Variants in TBC1D5 observed in about 807,000 individuals in gnomAD.
The protein encoded by TBC1D5 is TBC1 domain family, member 5.
In TBC1D5, 75 loss-of-function variants were observed where a neutral mutation model predicts 100.3. The ratio of observed to expected loss-of-function variants is 0.75; its 90% CI spans 0.62 to 0.91. The LOEUF (loss-of-function observed/expected upper bound fraction) is 0.91, where lower values mean the gene tolerates loss of function less well. Among genes scored for constraint, TBC1D5 ranks in the 40% least tolerant of loss-of-function variants. The pLI, the probability that TBC1D5 is intolerant of heterozygous loss-of-function variation, is 0.00. For synonymous variants in TBC1D5, 323 were observed against 325.6 expected, an observed-to-expected ratio of 0.99 and a Z score of 0.09; for missense variants, 910 against 942.4, an observed-to-expected ratio of 0.97 and a Z score of 0.45.
chr3:17,307,731 G>A (rs2083538937), intron 14 of TBC1D5, among the ~76,000 whole-genome samples: 1 of 152,108 alleles, frequency 6.6e-6, no homozygotes, highest in Non-Finnish European at 1.5e-5. Flanking sequence ...ATTAAAGCAG[G>A]AGTAAAGTCT....
intron 15 of TBC1D5, among the ~76,000 whole-genome samples, chr3:17,260,228 C>T (rs192358605): frequency 6.6e-6 from 1 of 152,256 alleles, no homozygotes; most frequent in East Asian, 1.9e-4. Context: ...CCTGGAAATA[C>T]ATTTTGTTTC....
At chr3:17,270,888 T>G (rs1013557764) in intron 15 of TBC1D5, among the ~76,000 whole-genome samples, 1 of 152,188 alleles carries the variant, frequency 6.6e-6, no homozygotes, top group Non-Finnish European at 1.5e-5. Context: ...TCCCCATTGC[T>G]TATTTTTGTC....
chr3:17,221,899 A>G (rs1305358178), intron 17 of TBC1D5, among the ~76,000 whole-genome samples: 1 of 152,232 alleles, frequency 6.6e-6, no homozygotes, highest in East Asian at 1.9e-4. Context: ...AAACTTCTCT[A>G]CATTTTCAAC....
intron 2 of TBC1D5, among the ~76,000 whole-genome samples, chr3:17,608,341 G>A (rs2061466907): frequency 2.6e-5 from 4 of 152,034 alleles, no homozygotes; most frequent in Admixed American, 2.6e-4. Context: ...AGATAGCACA[G>A]TAAGATCAAA....
At chr3:17,721,134 C>T (rs867734037) in intron 1 of TBC1D5, among the ~76,000 whole-genome samples, 2 of 152,024 alleles carry the variant, frequency 1.3e-5, no homozygotes, top group African/African-American at 4.8e-5. Flanking sequence ...AGAAACCACA[C>T]CCCGCCGAGA....
At chr3:17,699,601 CTCA>C (rs2072816322) in intron 1 of TBC1D5, among the ~76,000 whole-genome samples, 1 of 144,764 alleles carries the variant, frequency 6.9e-6, no homozygotes, top group Non-Finnish European at 1.5e-5. Context: ...CTCTATGAGT[CTCA>C]TCATCTGATA....
At chr3:17,740,236 G>C (rs2077307032) in exon 1 of TBC1D5, 1 of 152,002 alleles carries the variant, frequency 6.6e-6, no homozygotes, top group East Asian at 1.9e-4. Flanking sequence ...GCTGAGGCAG[G>C]AGAAGTGTTT....
At chr3:17,204,145 G>A (rs992587315) in intron 18 of TBC1D5, among the ~76,000 whole-genome samples, 3 of 152,194 alleles carry the variant, frequency 2.0e-5, no homozygotes, top group Admixed American at 6.5e-5. Flanking sequence ...AGATGCCAGG[G>A]ACAAGAGGTT....
intron 2 of TBC1D5, among the ~76,000 whole-genome samples, chr3:17,610,556 G>A (rs117816677): frequency 0.017 from 2,534 of 152,190 alleles, 51 homozygotes; most frequent in South Asian, 0.048. Flanking sequence ...AGCACTCAGC[G>A]ACCACCCAAA....
At chr3:17,312,912 T>C (rs2084216762) in intron 13 of TBC1D5, among the ~76,000 whole-genome samples, 1 of 152,186 alleles carries the variant, frequency 6.6e-6, no homozygotes, top group African/African-American at 2.4e-5. Flanking sequence ...GACATGCTTT[T>C]GATGCTTGAA....
chr3:17,264,266 C>G (rs1559513521), intron 15 of TBC1D5, among the ~76,000 whole-genome samples: 1 of 151,962 alleles, frequency 6.6e-6, no homozygotes, highest in African/African-American at 2.4e-5. Flanking sequence ...TCTACTGAGT[C>G]TAGAGAAATC....
chr3:17,635,080 A>T (rs2063794724), intron 1 of TBC1D5, among the ~76,000 whole-genome samples: 2 of 152,234 alleles, frequency 1.3e-5, no homozygotes, highest in South Asian at 4.1e-4. Flanking sequence ...ACTTTCAACA[A>T]TGATCAAGTA....
chr3:17,693,581 AG>A (rs1203141614), intron 1 of TBC1D5, among the ~76,000 whole-genome samples: 32 of 152,348 alleles, frequency 2.1e-4, no homozygotes, highest in African/African-American at 7.7e-4. Flanking sequence ...GCTGCCAGGA[AG>A]CTCGAACTGG....
chr3:17,661,006 A>G (rs1334307568), intron 1 of TBC1D5, among the ~76,000 whole-genome samples: 1 of 152,224 alleles, frequency 6.6e-6, no homozygotes, highest in Non-Finnish European at 1.5e-5. Flanking sequence ...AAAAATCTAC[A>G]TGACCACTTA....
At chr3:17,336,983 G>A (rs1169096790) in intron 13 of TBC1D5, among the ~76,000 whole-genome samples, 1 of 151,962 alleles carries the variant, frequency 6.6e-6, no homozygotes, top group Non-Finnish European at 1.5e-5. Flanking sequence ...ATCCATTCTG[G>A]CTTTATTATT....
chr3:17,207,254 T>TA (rs34778880), intron 18 of TBC1D5, among the ~76,000 whole-genome samples: 2 of 152,146 alleles, frequency 1.3e-5, no homozygotes, highest in African/African-American at 4.8e-5. Flanking sequence ...CTAACAGTGC[T>TA]AAAAAAAGTA....
At chr3:17,635,023 T>C (rs2063789665) in intron 1 of TBC1D5, among the ~76,000 whole-genome samples, 1 of 152,178 alleles carries the variant, frequency 6.6e-6, no homozygotes, top group African/African-American at 2.4e-5. Flanking sequence ...ACAAAAATAA[T>C]GAGTTCAATA....
chr3:17,185,247 A>G (rs1321235323), intron 18 of TBC1D5, 39 bp from the exon 20 acceptor site: 1 of 1,559,256 alleles, frequency 6.4e-7, no homozygotes, highest in African/African-American at 1.4e-5. Context: ...TTTTTTAGAG[A>G]TTGTCAAATA....
At chr3:17,494,439 G>A (rs527773025) in intron 3 of TBC1D5, among the ~76,000 whole-genome samples, 58 of 152,338 alleles carry the variant, frequency 3.8e-4, no homozygotes, top group African/African-American at 1.3e-3. Flanking sequence ...GCCCCTTGGT[G>A]GAGTGGGTGC....
Sources: gnomAD v4.1 joint callset for allele counts (sites outside exome capture counted in the v4.1 genomes callset) on GRCh38, gnomAD v4.1.1 for gene constraint, MANE v1.5 for transcripts, NCBI Gene and HGNC (gene_info 2026-07-23, HGNC 2026-07-21) for gene names.